HDLBP: variants seen among roughly 807,000 people sequenced by gnomAD.
HDLBP encodes the protein vigilin.
In HDLBP, 30 loss-of-function variants were observed where a neutral mutation model predicts 137.3. The observed-to-expected ratio is 0.22, with a 90% confidence interval of 0.16 to 0.30. The LOEUF is 0.30. Ranked by LOEUF, HDLBP falls within the 10% of genes least tolerant of loss-of-function variation. The pLI, the probability that HDLBP is intolerant of heterozygous loss-of-function variation, is 1.00. For synonymous variants in HDLBP, 606 were observed against 596.0 expected, an observed-to-expected ratio of 1.02 and a Z score of -0.24; for missense variants, 1,119 against 1,667.3, an observed-to-expected ratio of 0.67 and a Z score of 5.73.
chr2:241,237,226 G>A (rs983907458), intron 20 of HDLBP, among the ~76,000 whole-genome samples: 2 of 152,288 alleles, frequency 1.3e-5, no homozygotes, highest in East Asian at 1.9e-4. Context: ...AGTGGGAAGG[G>A]GGGTGAGAGG....
intron 5 of HDLBP, among the ~76,000 whole-genome samples, chr2:241,260,843 C>T (rs1465791398): frequency 6.6e-6 from 1 of 152,136 alleles, no homozygotes; most frequent in African/African-American, 2.4e-5. Context: ...CAAAAATAAT[C>T]AGTCAATAGC....
intron 21 of HDLBP, 123 bp downstream of exon 21, chr2:241,236,492 G>A: frequency 1.0e-6 from 1 of 967,488 alleles, no homozygotes; most frequent in Non-Finnish European, 1.6e-6. Context: ...GTAGGAGCAA[G>A]AGGGCTACCT....
intron 1 of HDLBP, among the ~76,000 whole-genome samples, chr2:241,314,386 A>T (rs908255533): frequency 2.0e-5 from 3 of 152,192 alleles, no homozygotes; most frequent in Admixed American, 6.5e-5. Flanking sequence ...ATTGTGACTT[A>T]ACCTATCTTA....
chr2:241,283,463 C>A (rs1347418906), intron 1 of HDLBP, among the ~76,000 whole-genome samples: 2 of 151,566 alleles, frequency 1.3e-5, no homozygotes, highest in African/African-American at 4.8e-5. Context: ...ACTTTGATAG[C>A]TAGATGGCTT....
At position 241,255,493 on chromosome 2, in the gene HDLBP, T is replaced by A; in HGVS notation, c.961A>T (p.Ile321Phe). The A allele has an allele frequency of 6.2e-7, 1 of 1,613,938 alleles. No individual in the cohort carries two copies. Among genetic ancestry groups the A allele is most frequent in the Non-Finnish European group, 8.5e-7 (1 of 1,179,806 alleles). ...IGPKGNSLQE[I>F]LERTGVSVEI... ...ACGGAAACTCCAGTTCTCTCAAGGA[T>A]CTCCTGCAATGAATTGCCCTTGGGC... The change falls in exon 8 of 28, where the codon ATC becomes TTC. Residue 321 changes from isoleucine to phenylalanine, a missense_variant. By Grantham distance (21) the Ile-to-Phe change is conservative. Transcript: ENST00000310931.
intron 21 of HDLBP, among the ~76,000 whole-genome samples, chr2:241,235,894 G>T (rs775637303): frequency 1.1e-4 from 16 of 152,268 alleles, no homozygotes; most frequent in Non-Finnish European, 2.1e-4. Flanking sequence ...CACATCCTCG[G>T]GGTCATGACG....
Position 241,240,065 on chromosome 2 carries a change from T to G in HDLBP, c.2227A>C (p.Ile743Leu). The change falls in exon 18 of 28, where the codon ATC (isoleucine) becomes CTC (leucine). Residue 743 changes from isoleucine to leucine, a missense_variant. Around this residue, in one of 4 missense-constraint regions of HDLBP, gnomAD observed 618 missense variants for 816.7 expected, o/e 0.76. Transcript: ENST00000310931. This position sits in a 1 kb window ranked among gnomAD's most constrained non-coding sequence, Gnocchi z 5.5. ...RAKPEYHKFL[I>L]GKGGGKIRKV... ...CGAATTTTGCCGCCCCCCTTGCCGA[T>G]GAGGAATTTGTGGTATTCTGGCTTG... 6.2e-7 allele frequency: 1 copy of G among 1,614,180 alleles called. No individual in the cohort carries two copies. Among genetic ancestry groups the G allele is most frequent in the African/African-American group, 1.3e-5 (1 of 75,042 alleles).
rs2075072908 is a variant in HDLBP, at chr2:241,293,526, C to T, written c.-103+22044G>A. Reference sequence around the variant, plus strand: ...ACTTGGAAGGCTGGGGCAGGAAGATCGCCTGAGCCCAGGAGGTTGAGCCTG... The same window carrying T: ...ACTTGGAAGGCTGGGGCAGGAAGATTGCCTGAGCCCAGGAGGTTGAGCCTG... On this transcript the variant is annotated intron_variant, in intron 1 of 27. Transcript: ENST00000310931. Among the ~76,000 whole-genome samples the T allele has an allele frequency of 1.3e-5, 2 of 151,518 alleles. 1 individual carries two copies. Among genetic ancestry groups the T allele is most frequent in the South Asian group, 4.2e-4 (2 of 4,804 alleles).
At chr2:241,237,558 A>AG (rs2070698261) in intron 20 of HDLBP, among the ~76,000 whole-genome samples, 1 of 152,224 alleles carries the variant, frequency 6.6e-6, no homozygotes, top group East Asian at 1.9e-4. Context: ...TTTCTGAAGG[A>AG]GAAAAACTGG....
chr2:241,266,774 G>A lies in HDLBP; in HGVS notation c.76+20C>T. The A allele has an allele frequency of 7.0e-7, 1 of 1,435,000 alleles. No homozygotes were observed. The highest frequency in any genetic ancestry group is 1.4e-5 in the African/African-American group (1 of 71,566). 88.9% of individuals were successfully genotyped at this position (1,435,000 alleles called of 1,614,324 possible). The stretch of plus-strand genomic sequence containing the variant: ...AATGCCTTAGACATTACCAGGAAGA[G>A]CACATAAAAGGGCTGTCACCTTTGA... On this transcript the variant is annotated intron_variant, in intron 3 of 27. Coordinates refer to ENST00000310931, the MANE Select transcript of HDLBP (RefSeq NM_005336.6).
chr2:241,235,625 G>A (rs1338951070), intron 21 of HDLBP, 31 bp from the exon 22 acceptor site: 2 of 1,502,702 alleles, frequency 1.3e-6, no homozygotes, highest in Non-Finnish European at 1.9e-6. Context: ...GTTAGGCCGT[G>A]GGAGCTGAGA....
intron 1 of HDLBP, among the ~76,000 whole-genome samples, chr2:241,293,921 CAA>C (rs56186900): frequency 9.2e-5 from 9 of 97,628 alleles, no homozygotes; most frequent in Admixed American, 1.1e-4. Context: ...GACCCTGCCT[CAA>C]AAAAAAAAAA....
At chr2:241,246,022 C>T (rs943181701) in intron 16 of HDLBP, among the ~76,000 whole-genome samples, 1 of 152,112 alleles carries the variant, frequency 6.6e-6, no homozygotes, top group Non-Finnish European at 1.5e-5. Flanking sequence ...TTGAAAGACA[C>T]TAATTACCAA....
At chr2:241,256,497 C>T in intron 6 of HDLBP, 98 bp from the exon 7 acceptor site, 1 of 1,495,332 alleles carries the variant, frequency 6.7e-7, no homozygotes, top group Non-Finnish European at 9.2e-7. Context: ...TCCACCCCCA[C>T]CACATTATGC....
chr2:241,312,265 C>T (rs775366906), intron 1 of HDLBP, among the ~76,000 whole-genome samples: 2 of 152,202 alleles, frequency 1.3e-5, no homozygotes, highest in African/African-American at 4.8e-5. Flanking sequence ...ACATGATGTC[C>T]AGACACGTCT....
intron 5 of HDLBP, among the ~76,000 whole-genome samples, chr2:241,261,188 C>T (rs2149512319): frequency 1.1e-5 from 1 of 93,192 alleles, no homozygotes; most frequent in Non-Finnish European, 2.0e-5. Context: ...AAGTGAGATC[C>T]TGTCTCAAAA....
chr2:241,285,467 G>A (rs573018648), intron 1 of HDLBP, among the ~76,000 whole-genome samples: 1 of 152,314 alleles, frequency 6.6e-6, no homozygotes, highest in South Asian at 2.1e-4. Context: ...ACGACCTGAT[G>A]AATGACCAAG....
chr2:241,230,549 T>C lies in HDLBP; in HGVS notation c.3474+210A>G, dbSNP rs1017280870. 3.9e-5 allele frequency among the ~76,000 whole-genome samples: 6 copies of C among 152,208 alleles called. No homozygotes were observed. The highest frequency in any genetic ancestry group is 1.4e-4 in the African/African-American group (6 of 41,458). ...GCTCGCCAGGCAGCTGTCAAGGAGA[T>C]GCCCTCCTAATGGCCACCGTGGCAG... On this transcript the variant is annotated intron_variant, in intron 25 of 27. Transcript: ENST00000310931. The surrounding 1 kb of genome is among the most constrained non-coding windows in gnomAD (Gnocchi z 5.0).
chr2:241,281,434 T>C lies in HDLBP; in HGVS notation c.-102-12893A>G, dbSNP rs180681322. 5.6e-4 allele frequency among the ~76,000 whole-genome samples: 85 copies of C among 152,268 alleles called. No individual in the cohort carries two copies. In the East Asian group the frequency reaches 0.016, roughly 28 times the overall value. On this transcript the variant is annotated intron_variant, in intron 1 of 27. Transcript: ENST00000310931. ...TACTCGGGAGGCTGAGGTGGGAGAA[T>C]TGCTTGGGCCTAGGAGGTGGGGGTT...
Sources: allele counts gnomAD v4.1 joint callset (sites outside exome capture counted in the v4.1 genomes callset), GRCh38; gene constraint gnomAD v4.1.1; regional missense constraint gnomAD v4.1.1; non-coding constraint Gnocchi (gnomAD v3.1); transcripts MANE v1.5; gene names NCBI Gene and HGNC (gene_info 2026-07-23, HGNC 2026-07-21).